Variants in DNAH14 observed in about 807,000 individuals in gnomAD.
DNAH14 encodes the protein dynein axonemal heavy chain 14.
A neutral mutation model predicts 520.9 loss-of-function variants in DNAH14; 478 were observed. The ratio of observed to expected loss-of-function variants is 0.92; its 90% confidence interval spans 0.85 to 0.99. The LOEUF (loss-of-function observed/expected upper bound fraction) is 0.99, where lower values mean the gene tolerates loss of function less well. Ranked by LOEUF, DNAH14 falls within the 50% of genes least tolerant of loss-of-function variation. DNAH14 has a pLI of 0.00. For synonymous variants in DNAH14, 1,581 were observed against 1,757.2 expected (o/e 0.90, Z 2.51); for missense variants, 4,831 against 5,234.5 (o/e 0.92, Z 2.38).
intron 55 of DNAH14, among the ~76,000 whole-genome samples, chr1:225,294,979 T>G (rs2093976033): frequency 6.6e-6 from 1 of 152,172 alleles, no homozygotes; most frequent in Admixed American, 6.6e-5. Context: ...CTATTTCTTC[T>G]TGGCTCAATC....
At chr1:225,022,076 C>T (rs1291878677) in intron 10 of DNAH14, among the ~76,000 whole-genome samples, 1 of 152,148 alleles carries the variant, frequency 6.6e-6, no homozygotes, top group Non-Finnish European at 1.5e-5. Flanking sequence ...TGGATCCCTT[C>T]CTGTCACTAT....
chr1:225,147,332 C>T, intron 31 of DNAH14, 83 bp downstream of exon 31: 1 of 1,353,698 alleles, frequency 7.4e-7, no homozygotes, highest in Non-Finnish European at 9.6e-7. Flanking sequence ...AAATATTTTC[C>T]CCAATAAGTG....
At chr1:225,238,002 T>C (rs1241619900) in intron 42 of DNAH14, among the ~76,000 whole-genome samples, 1 of 152,222 alleles carries the variant, frequency 6.6e-6, no homozygotes, top group African/African-American at 2.4e-5. Flanking sequence ...GCTATTCTGG[T>C]TATCAGCTCC....
intron 71 of DNAH14, among the ~76,000 whole-genome samples, chr1:225,351,085 A>G (rs1233484694): frequency 1.3e-5 from 2 of 152,212 alleles, no homozygotes; most frequent in African/African-American, 4.8e-5. Context: ...AATATATTTA[A>G]CACTACTGAA....
At chr1:225,176,002 C>T (rs1573742253) in intron 36 of DNAH14, among the ~76,000 whole-genome samples, 1 of 152,094 alleles carries the variant, frequency 6.6e-6, no homozygotes, top group African/African-American at 2.4e-5. Flanking sequence ...GATCCACCCA[C>T]CTCGGACTCC....
At chr1:225,180,653 A>G (rs960729553) in intron 36 of DNAH14, among the ~76,000 whole-genome samples, 2 of 152,168 alleles carry the variant, frequency 1.3e-5, no homozygotes, top group Admixed American at 1.3e-4. Context: ...CCCCCACAAG[A>G]TATAAACACT....
chr1:225,380,999 G>A (rs1461794283), intron 80 of DNAH14, among the ~76,000 whole-genome samples: 1 of 151,992 alleles, frequency 6.6e-6, no homozygotes, highest in Non-Finnish European at 1.5e-5. Context: ...AATGGCTTTT[G>A]CATTTTTTAA....
intron 54 of DNAH14, among the ~76,000 whole-genome samples, chr1:225,281,497 A>G (rs142156691): frequency 6.0e-4 from 92 of 152,282 alleles, no homozygotes; most frequent in African/African-American, 2.2e-3. Context: ...GCCATGTAAT[A>G]TAACATATTC....
intron 80 of DNAH14, 64 bp downstream of exon 80, chr1:225,380,386 A>C: frequency 1.4e-6 from 2 of 1,469,438 alleles, no homozygotes; most frequent in South Asian, 2.8e-5. Flanking sequence ...CTCTGGTGTC[A>C]GGAGTAAGGT....
intron 41 of DNAH14, among the ~76,000 whole-genome samples, chr1:225,210,472 C>T (rs2088224130): frequency 6.6e-6 from 1 of 152,178 alleles, no homozygotes; most frequent in Non-Finnish European, 1.5e-5. Flanking sequence ...TTCCTCCTCT[C>T]TGGGCAGGGC....
intron 3 of DNAH14, among the ~76,000 whole-genome samples, chr1:224,955,885 C>T (rs1202444348): frequency 6.6e-6 from 1 of 152,136 alleles, no homozygotes; most frequent in Admixed American, 6.6e-5. Flanking sequence ...AGTTATCAGT[C>T]CTCTTGAAAG....
chr1:225,119,531 A>T (rs557826963), intron 26 of DNAH14, among the ~76,000 whole-genome samples: 2 of 152,300 alleles, frequency 1.3e-5, no homozygotes, highest in South Asian at 2.1e-4. Flanking sequence ...GAGTGTTTAC[A>T]TGCACAACCT....
chr1:225,312,341 G>C (rs1280620844), intron 60 of DNAH14, among the ~76,000 whole-genome samples: 1 of 152,034 alleles, frequency 6.6e-6, no homozygotes, highest in Non-Finnish European at 1.5e-5. Flanking sequence ...AAGGAGTTTT[G>C]GGGTTGAGAC....
Position 225,042,940 on chromosome 1 carries a change from A to G in DNAH14, c.1594A>G (p.Asn532Asp). ...TCCTGCTGAGAGTGATTCTTCAGAA[A>G]ATTCTAAAGAGAACTTTCATGAGTC... ...RIPAESDSSE[N>D]SKENFHESDQ... Residue 532 changes from asparagine to aspartate, a missense_variant, in exon 13 of 86, where the codon AAT (asparagine) becomes GAT (aspartate). By Grantham distance (23) the Asn-to-Asp change is conservative. Coordinates refer to ENST00000682510, the MANE Select transcript of DNAH14 (RefSeq NM_001367479.1). 1.3e-6 allele frequency: 2 copies of G among 1,551,908 alleles called. No homozygotes were observed. The highest frequency in any genetic ancestry group is 1.7e-6 in the Non-Finnish European group (2 of 1,147,036).
chr1:225,094,849 A>G (rs963330305), intron 21 of DNAH14, among the ~76,000 whole-genome samples: 1 of 151,412 alleles, frequency 6.6e-6, no homozygotes, highest in Non-Finnish European at 1.5e-5. Flanking sequence ...CCCCATTAAA[A>G]AGTGGGTAAA....
intron 17 of DNAH14, among the ~76,000 whole-genome samples, chr1:225,061,253 T>G (rs2148413759): frequency 6.6e-6 from 1 of 152,340 alleles, no homozygotes; most frequent in East Asian, 1.9e-4. Flanking sequence ...CCTTGCAGTT[T>G]GGTCTCAGAC....
intron 11 of DNAH14, among the ~76,000 whole-genome samples, chr1:225,029,535 A>G (rs1558730083): frequency 6.6e-6 from 1 of 152,046 alleles, no homozygotes; most frequent in Non-Finnish European, 1.5e-5. Context: ...TGAGCAAAAT[A>G]GACAGTTTTT....
chr1:225,290,639 GTGTGTGTGTA>G (rs1479181136), intron 55 of DNAH14, among the ~76,000 whole-genome samples: 4 of 88,722 alleles, frequency 4.5e-5, no homozygotes, highest in African/African-American at 1.4e-4. Context: ...ATATGTGTGT[GTGTGTGTGTA>G]TATATATATA....
chr1:225,259,400 T>C (rs2092854002), intron 46 of DNAH14, 147 bp downstream of exon 46: 3 of 572,970 alleles, frequency 5.2e-6, no homozygotes, highest in Admixed American at 4.1e-5. Flanking sequence ...AAATCCTTTT[T>C]TTCCTGATTT....
Sources: allele counts gnomAD v4.1 joint callset (sites outside exome capture counted in the v4.1 genomes callset), GRCh38; gene constraint gnomAD v4.1.1; transcripts MANE v1.5; gene names NCBI Gene and HGNC (gene_info 2026-07-23, HGNC 2026-07-21).